Variants in ZNF560 observed in about 807,000 individuals in gnomAD.
ZNF560 encodes the protein zinc finger protein 560.
A neutral mutation model predicts 81.8 loss-of-function variants in ZNF560; 54 were observed. The observed-to-expected ratio is 0.66, with a 90% CI of 0.53 to 0.83. ZNF560 has a LOEUF of 0.83. Ranked by LOEUF, ZNF560 falls within the 40% of genes least tolerant of loss-of-function variation. The probability of loss-of-function intolerance (pLI) is 0.00; values close to 1 mark genes in which losing one functional copy is unlikely to be tolerated. For synonymous variants in ZNF560, 321 were observed against 317.9 expected, an observed-to-expected ratio of 1.01 and a Z score of -0.10; for missense variants, 940 against 932.4, an observed-to-expected ratio of 1.01 and a Z score of -0.11.
chr19:9,468,725 C>CTTTT (rs3068756), intron 9 of ZNF560, among the ~76,000 whole-genome samples: 12 of 123,006 alleles, frequency 9.8e-5, no homozygotes, highest in Non-Finnish European at 1.7e-4. Context: ...CTGCTGATTT[C>CTTTT]TTTTTTTTTT....
At chr19:9,494,223 GT>G (rs1204413641) in intron 2 of ZNF560, among the ~76,000 whole-genome samples, 1 of 151,216 alleles carries the variant, frequency 6.6e-6, no homozygotes, top group African/African-American at 2.4e-5. Flanking sequence ...CTTCAATCTT[GT>G]TAAGTGGAAA....
In ZNF560 at chr19:9,493,159, T is replaced by A. The variant is rs138644018; in HGVS notation, c.-57+4969A>T. 5.1e-3 allele frequency among the ~76,000 whole-genome samples: 779 copies of A among 152,202 alleles called. 3 individuals are homozygous for A. The highest frequency in any genetic ancestry group is 0.013 in the South Asian group (64 of 4,828). On this transcript the variant is annotated intron_variant, in intron 2 of 9. Transcript: ENST00000301480. ...TAGAAAGGTTAACAAAAAATTACCG[T>A]AGAAAAAAGGCAGGAAAATGGAGGA...
At chr19:9,498,479 T>C (rs1479902490) in intron 1 of ZNF560, 59 bp downstream of exon 1, 1 of 152,458 alleles carries the variant, frequency 6.6e-6, no homozygotes, top group Admixed American at 6.6e-5. Flanking sequence ...CCTGGGTCGA[T>C]TGTGACCTCT....
At chr19:9,466,236 CTCAGGAGACTAAA>C (rs1241818220), downstream of ZNF560, among the ~76,000 whole-genome samples, 1 of 151,586 alleles carries the variant, frequency 6.6e-6, no homozygotes, top group Admixed American at 6.6e-5. Context: ...ATCCCAGCTA[CTCAGGAGACTAAA>C]GCAGGAGAAT....
At chr19:9,451,070 A>G in the ZNF560 span, among the ~76,000 whole-genome samples, 2 of 152,158 alleles carry the variant, frequency 1.3e-5, no homozygotes, top group Admixed American at 1.3e-4. Context: ...CAGATTCAAC[A>G]CTATTCCTAT....
At chr19:9,475,461 C>A in intron 2 of ZNF560, 92 bp from the exon 3 acceptor site, 1 of 684,118 alleles carries the variant, frequency 1.5e-6, no homozygotes, top group Non-Finnish European at 2.5e-6. Flanking sequence ...TCGAAATTCT[C>A]TTATAATTCA....
chr19:9,497,606 C>A (rs12461516), intron 2 of ZNF560, among the ~76,000 whole-genome samples: 1 of 151,080 alleles, frequency 6.6e-6, no homozygotes, highest in Non-Finnish European at 1.5e-5. Context: ...TCAAACTGTT[C>A]ACCATAAAAT....
At position 9,474,222 on chromosome 19, in the gene ZNF560, T is replaced by A. The variant is rs746478535; in HGVS notation, c.134A>T (p.Asn45Ile). ...ACCTACTTTGGCCACGTTCTCATAATTCTCCAGCATCACATCTCTGTATAA... is the reference window on the plus strand; with the variant it reads ...ACCTACTTTGGCCACGTTCTCATAAATCTCCAGCATCACATCTCTGTATAA... The part of the protein sequence containing the change: ...RNLYRDVMLE[N>I]YENVAKVGFQ... The change falls in exon 4 of 10, where the codon AAT (asparagine) becomes ATT (isoleucine). Residue 45 changes from asparagine to isoleucine, a missense_variant. Transcript: ENST00000301480. 1 of 1,614,192 alleles carries A rather than the reference T, an allele frequency of 6.2e-7. No homozygotes were observed. Among genetic ancestry groups the A allele is most frequent in the Non-Finnish European group, 8.5e-7 (1 of 1,180,022 alleles).
upstream of ZNF560, among the ~76,000 whole-genome samples, chr19:9,499,641 G>C (rs1418985161): frequency 6.6e-6 from 1 of 152,134 alleles, no homozygotes; most frequent in Admixed American, 6.5e-5. Flanking sequence ...GAAAAAGAAA[G>C]GACTGTTGGA....
chr19:9,499,923 G>A (rs1021034515), upstream of ZNF560, among the ~76,000 whole-genome samples: 8 of 152,074 alleles, frequency 5.3e-5, no homozygotes, highest in Non-Finnish European at 8.8e-5. Flanking sequence ...ATCTCTTGAT[G>A]TTGTACTGTG....
rs1488458311 is a variant in ZNF560 at position 9,482,648 on chromosome 19, CCT to C, written c.-56-7281_-56-7280del. ...CAAAAAGAAAAGACCTCCCCCTCCC[CCT>C]CCCCCTCCCTCTCCCCACGGTCTCC... On this transcript the variant is annotated intron_variant, in intron 2 of 9. Transcript: ENST00000301480. Among the ~76,000 whole-genome samples the C allele has an allele frequency of 3.7e-4, 54 of 147,160 alleles. 1 individual carries two copies. The highest frequency in any genetic ancestry group is 1.2e-3 in the African/African-American group (48 of 39,000).
chr19:9,492,961 T>A (rs1010242884), intron 2 of ZNF560, among the ~76,000 whole-genome samples: 12 of 152,198 alleles, frequency 7.9e-5, no homozygotes, highest in Non-Finnish European at 1.3e-4. Context: ...CATCTGGCCC[T>A]TATAAGTTTC....
chr19:9,455,068 C>T, the ZNF560 span, among the ~76,000 whole-genome samples: 2 of 152,076 alleles, frequency 1.3e-5, no homozygotes, highest in African/African-American at 2.4e-5. Context: ...CGAGTGACCG[C>T]CCTCAGTTCT....
chr19:9,469,257 G>T, intron 8 of ZNF560, 70 bp from the exon 9 acceptor site: 1 of 1,223,126 alleles, frequency 8.2e-7, no homozygotes, highest in Middle Eastern at 2.6e-4. Context: ...AAAGCAGATA[G>T]ATTTGAACAA....
At chr19:9,496,735 A>G (rs2073565259) in intron 2 of ZNF560, among the ~76,000 whole-genome samples, 1 of 151,682 alleles carries the variant, frequency 6.6e-6, no homozygotes, top group Non-Finnish European at 1.5e-5. Flanking sequence ...CAGGAGATCA[A>G]GACCATCCTG....
At chr19:9,469,747 C>T in intron 7 of ZNF560, 37 bp from the exon 8 acceptor site, 1 of 1,594,400 alleles carries the variant, frequency 6.3e-7, no homozygotes, top group Non-Finnish European at 8.6e-7. Flanking sequence ...GGAAGAGGCT[C>T]ATGCAAGAAA....
At chr19:9,484,584 C>G (rs995378285) in intron 2 of ZNF560, among the ~76,000 whole-genome samples, 8 of 148,792 alleles carry the variant, frequency 5.4e-5, no homozygotes, top group African/African-American at 2.0e-4. Flanking sequence ...GAGTTTGAGA[C>G]TATCCTGGCG....
intron 2 of ZNF560, among the ~76,000 whole-genome samples, chr19:9,496,366 A>C (rs2073558002): frequency 6.6e-6 from 1 of 151,122 alleles, no homozygotes; most frequent in African/African-American, 2.4e-5. Context: ...AAACAAAAAA[A>C]CCCCGCAAAT....
intron 2 of ZNF560, among the ~76,000 whole-genome samples, chr19:9,486,063 T>C (rs1021076868): frequency 3.3e-5 from 5 of 152,140 alleles, no homozygotes; most frequent in African/African-American, 7.2e-5. Flanking sequence ...CTGGTGCAAA[T>C]ATACAAAAGA....
Sources: gnomAD v4.1 joint callset for allele counts (sites outside exome capture counted in the v4.1 genomes callset) on GRCh38, gnomAD v4.1.1 for gene constraint, MANE v1.5 for transcripts, NCBI Gene and HGNC (gene_info 2026-07-23, HGNC 2026-07-21) for gene names.